Variants in HMGB4 observed in about 807,000 individuals in gnomAD.
HMGB4 encodes high mobility group box 4, also known as high mobility group protein B4.
For missense variants in HMGB4, 217 were observed against 220.4 expected (o/e 0.98, Z 0.10); for synonymous variants, 82 against 84.9 (o/e 0.97, Z 0.19).
At chr1:33,860,561 A>C (rs1168411086), upstream of HMGB4, 1 of 152,234 alleles carries the variant, frequency 6.6e-6, no homozygotes, top group Non-Finnish European at 1.5e-5. Context: ...GGCTAAGTCC[A>C]GCCCACACTG....
chr1:33,864,371 T>C lies in HMGB4; in HGVS notation c.180T>C (p.Tyr60=). The change falls in exon 1 of 1, where the codon TAT becomes TAC. Residue 60 remains tyrosine (Y), a synonymous_variant. Coordinates refer to ENST00000681531, the MANE Select transcript of HMGB4 (RefSeq NM_001379301.1). ...TCTCAAAGCATGAAAAGGCCAAATA[T>C]GAAGCCCTGGCCAAACTCGACAAAG... is the stretch of plus-strand genomic sequence containing the variant. ...RSISKHEKAK[Y]EALAKLDKAR... 1 of 1,614,056 alleles carries C rather than the reference T, an allele frequency of 6.2e-7. No individual in the cohort carries two copies. Among genetic ancestry groups the C allele is most frequent in the Non-Finnish European group, 8.5e-7 (1 of 1,180,018 alleles).
rs192690973 is a variant in HMGB4, at chr1:33,864,672, C to G, written c.481C>G (p.Arg161Gly). Reference sequence around the variant, plus strand: ...GTACTTCGAGGAACTTGAACTCTACCGTAAACAATGTAATGCCAGGAAGAA... The same window carrying G: ...GTACTTCGAGGAACTTGAACTCTACGGTAAACAATGTAATGCCAGGAAGAA... ...AKYFEELELY[R>G]KQCNARKKYR... Residue 161 changes from arginine (R) to glycine (G), a missense_variant, in exon 1 of 1, where the codon CGT becomes GGT. Physicochemically the swap from Arg to Gly is moderately radical, Grantham distance 125 (BLOSUM62 -2). Coordinates refer to ENST00000681531, the MANE Select transcript of HMGB4 (RefSeq NM_001379301.1). 2 of 1,613,648 alleles carry G rather than the reference C, an allele frequency of 1.2e-6. No homozygotes were observed. The highest frequency in any genetic ancestry group is 1.7e-6 in the Non-Finnish European group (2 of 1,179,978).
chr1:33,864,059 GC>G (rs1639763969), upstream of HMGB4: 3 of 814,960 alleles, frequency 3.7e-6, no homozygotes, highest in African/African-American at 5.2e-5. Flanking sequence ...AAAAGGCTGA[GC>G]CCTGACTACA....
rs752622300 is a variant in HMGB4 at position 33,864,739 on chromosome 1, T to G, written c.548T>G (p.Val183Gly). 14 of 1,606,348 alleles carry G rather than the reference T, an allele frequency of 8.7e-6. No individual in the cohort carries two copies. The Admixed American group carries it at 1.3e-4, about 15-fold the overall frequency. ...SARNRCRGKR[V>G]RQS ...AGAAACCGGTGCAGAGGGAAAAGAG[T>G]CAGGCAGAGCTGATGGATCCAGTTT... The change falls in exon 1 of 1, where the codon GTC becomes GGC. Residue 183 changes from valine to glycine, a missense_variant. Val to Gly is a moderately radical substitution (Grantham distance 109). Transcript: ENST00000681531.
upstream of HMGB4, among the ~76,000 whole-genome samples, chr1:33,861,543 T>C (rs1639509616): frequency 6.6e-6 from 1 of 152,210 alleles, no homozygotes; most frequent in African/African-American, 2.4e-5. Context: ...GCAGGCATGC[T>C]TGCTCTAGGC....
In HMGB4 at chr1:33,864,673, G is replaced by A. The variant is rs759105562; in HGVS notation, c.482G>A (p.Arg161His). The A allele has an allele frequency of 3.5e-5, 57 of 1,613,696 alleles. No homozygotes were observed. Among genetic ancestry groups the A allele is most frequent in the Non-Finnish European group, 4.7e-5 (55 of 1,179,972 alleles). ...TACTTCGAGGAACTTGAACTCTACC[G>A]TAAACAATGTAATGCCAGGAAGAAG... Reference protein sequence around the residue: ...AKYFEELELYRKQCNARKKYR... With the variant: ...AKYFEELELYHKQCNARKKYR... Residue 161 changes from arginine (R) to histidine (H), a missense_variant, in exon 1 of 1, where the codon CGT becomes CAT. Coordinates refer to ENST00000681531, the MANE Select transcript of HMGB4 (RefSeq NM_001379301.1).
rs755317431 is a variant in HMGB4, at chr1:33,864,539, G to C, written c.348G>C (p.Pro116=). Residue 116 remains proline (P), a synonymous_variant, in exon 1 of 1, where the codon CCG becomes CCC. Transcript: ENST00000681531. The part of the protein sequence containing the change: ...DHYAQLKREN[P]NWSVVQVAKA... ...ATGCTCAGCTGAAGAGGGAGAACCCGAACTGGTCGGTGGTGCAGGTGGCCA... is the reference window on the plus strand; with the variant it reads ...ATGCTCAGCTGAAGAGGGAGAACCCCAACTGGTCGGTGGTGCAGGTGGCCA... The C allele has an allele frequency of 3.1e-6, 5 of 1,613,946 alleles. No individual in the cohort carries two copies. The African/African-American group carries it at 5.3e-5, about 17-fold the overall frequency.
chr1:33,862,405 G>A (rs535811410), upstream of HMGB4: 1 of 148,920 alleles, frequency 6.7e-6, no homozygotes, highest in African/African-American at 2.5e-5. Flanking sequence ...GTCTGAGCCT[G>A]AGCAGAGTCT....
chr1:33,864,097 C>A lies in HMGB4; in HGVS notation c.-95C>A. 3.2e-6 allele frequency: 4 copies of A among 1,247,406 alleles called. No individual in the cohort carries two copies. The highest frequency in any genetic ancestry group is 4.5e-6 in the Non-Finnish European group (4 of 894,062). 77.3% of individuals were successfully genotyped at this position (1,247,406 alleles called of 1,614,324 possible). On this transcript the variant is annotated 5_prime_UTR_variant, in exon 1 of 1. Coordinates refer to ENST00000681531, the MANE Select transcript of HMGB4 (RefSeq NM_001379301.1). ...CTCTTGCAGACAGAAAAATTCGCTG[C>A]AAGTACAGCACTTTCTAGATTGCTC...
upstream of HMGB4, chr1:33,861,410 C>CA (rs1180587165): frequency 6.6e-6 from 1 of 152,154 alleles, no homozygotes; most frequent in Non-Finnish European, 1.5e-5. Flanking sequence ...TGTGGTTCAC[C>CA]AAGCCTATCA....
rs200510564 is a variant in HMGB4, at chr1:33,864,445, G to A, written c.254G>A (p.Arg85Gln). The change falls in exon 1 of 1, where the codon CGG becomes CAG. Residue 85 changes from arginine (R) to glutamine (Q), a missense_variant. Coordinates refer to ENST00000681531, the MANE Select transcript of HMGB4 (RefSeq NM_001379301.1). ...MMNYVGKRKKRRKRDPQEPRR... is the reference protein window; with the variant it reads ...MMNYVGKRKKQRKRDPQEPRR... Reference sequence around the variant, plus strand: ...AATTATGTTGGCAAGAGGAAGAAACGGAGAAAGCGGGATCCCCAGGAACCC... The same window carrying A: ...AATTATGTTGGCAAGAGGAAGAAACAGAGAAAGCGGGATCCCCAGGAACCC... 7.5e-5 allele frequency: 121 copies of A among 1,613,650 alleles called. 1 individual carries two copies. The highest frequency in any genetic ancestry group is 4.2e-4 in the South Asian group (38 of 91,076).
chr1:33,864,206 C>G lies in HMGB4; in HGVS notation c.15C>G (p.Ile5Met). 1 of 1,595,924 alleles carries G rather than the reference C, an allele frequency of 6.3e-7. No homozygotes were observed. Among genetic ancestry groups the G allele is most frequent in the Non-Finnish European group, 8.5e-7 (1 of 1,174,434 alleles). Residue 5 changes from isoleucine to methionine, a missense_variant, in exon 1 of 1, where the codon ATC (isoleucine) becomes ATG (methionine). Physicochemically the swap from Ile to Met is conservative, Grantham distance 10 (BLOSUM62 1). Transcript: ENST00000681531. MGKE[I>M]QLKPKANVSS... ...AACTTACGAACATGGGAAAAGAAAT[C>G]CAGCTAAAGCCTAAGGCAAATGTCT...
upstream of HMGB4, chr1:33,863,921 T>C (rs188073558): frequency 3.7e-4 from 140 of 374,410 alleles, no homozygotes; most frequent in African/African-American, 2.8e-3. Context: ...GAGGCAAACA[T>C]TGACCCTCAA....
rs761894571 is a variant in HMGB4, at chr1:33,864,518, T to G, written c.327T>G (p.Ala109=). 1.9e-6 allele frequency: 3 copies of G among 1,614,020 alleles called. No homozygotes were observed. Among genetic ancestry groups the G allele is most frequent in the Non-Finnish European group, 2.5e-6 (3 of 1,179,996 alleles). The change falls in exon 1 of 1, where the codon GCT becomes GCG. Residue 109 remains alanine, a synonymous_variant. Coordinates refer to ENST00000681531, the MANE Select transcript of HMGB4 (RefSeq NM_001379301.1). ...TACTCTTCTGCCAAGACCACTATGCTCAGCTGAAGAGGGAGAACCCGAACT... is the reference window on the plus strand; with the variant it reads ...TACTCTTCTGCCAAGACCACTATGCGCAGCTGAAGAGGGAGAACCCGAACT... ...SFLLFCQDHY[A]QLKRENPNWS...
upstream of HMGB4, among the ~76,000 whole-genome samples, chr1:33,861,963 A>G (rs879144809): frequency 6.6e-6 from 1 of 151,804 alleles, no homozygotes; most frequent in Non-Finnish European, 1.5e-5. Context: ...GGCCCCATTG[A>G]CCAAAGTGAG....
chr1:33,861,040 G>A (rs149539443), upstream of HMGB4: 1 of 152,242 alleles, frequency 6.6e-6, no homozygotes, highest in Admixed American at 6.5e-5. Flanking sequence ...ACTTATCCTT[G>A]TATGGAGATA....
chr1:33,862,578 C>G (rs1424588370), upstream of HMGB4: 2 of 152,172 alleles, frequency 1.3e-5, no homozygotes, highest in Non-Finnish European at 2.9e-5. Flanking sequence ...AAAAGGCTAC[C>G]TAGGCTGAGA....
Position 33,864,245 on chromosome 1 carries a change from CTTT to C in HMGB4, c.57_59del (p.Phe19del). The C allele has an allele frequency of 6.2e-7, 1 of 1,613,178 alleles. No individual in the cohort carries two copies. The highest frequency in any genetic ancestry group is 1.1e-5 in the South Asian group (1 of 90,808). On this transcript the variant is annotated inframe_deletion, in exon 1 of 1. Coordinates refer to ENST00000681531, the MANE Select transcript of HMGB4 (RefSeq NM_001379301.1). ...AGGCAAATGTCTCTTCTTACGTTCA[CTTT>C]TTGCTGAATTACAGAAACAAATTCA...
upstream of HMGB4, chr1:33,863,510 G>C (rs899485058): frequency 6.6e-6 from 1 of 152,190 alleles, no homozygotes; most frequent in Non-Finnish European, 1.5e-5. Flanking sequence ...CCAACTCATA[G>C]CCCAAGTGCT....
Sources: allele counts gnomAD v4.1 joint callset (sites outside exome capture counted in the v4.1 genomes callset), GRCh38; gene constraint gnomAD v4.1.1; transcripts MANE v1.5; gene names NCBI Gene and HGNC (gene_info 2026-07-23, HGNC 2026-07-21).